Variants in PHC2 observed in about 807,000 individuals in gnomAD.
PHC2 encodes polyhomeotic homolog 2, also known as polyhomeotic-like protein 2.
PHC2 carries 29 observed loss-of-function variants against 87.4 expected under a neutral mutation model. That is an observed-to-expected ratio of 0.33 (90% CI 0.25 to 0.45). PHC2 has a LOEUF of 0.45. Among genes scored for constraint, PHC2 ranks in the 20% least tolerant of loss-of-function variants. PHC2 has a pLI of 1.00. For missense variants in PHC2, 857 were observed against 1,136.7 expected (o/e 0.75, Z 3.54); for synonymous variants, 438 against 461.7 (o/e 0.95, Z 0.66).
chr1:33,416,907 T>C (rs2148399789), intron 1 of PHC2, among the ~76,000 whole-genome samples: 1 of 152,278 alleles, frequency 6.6e-6, no homozygotes, highest in South Asian at 2.1e-4. Flanking sequence ...CCTCATTTTT[T>C]ACATATCTTT....
In PHC2 at chr1:33,331,767, G is replaced by A. The variant is rs1163499746; in HGVS notation, c.1892-305C>T. The A allele has an allele frequency of 3.0e-6, 1 of 330,956 alleles. No homozygotes were observed. Among genetic ancestry groups the A allele is most frequent in the African/African-American group, 2.1e-5 (1 of 47,500 alleles). The allele number at this position is 330,956 out of a possible 1,614,324, so 20.5% of individuals were successfully genotyped here. On this transcript the variant is annotated intron_variant, in intron 11 of 14. Coordinates refer to ENST00000683057, the MANE Select transcript of PHC2 (RefSeq NM_001385109.1). The surrounding 1 kb of genome is among the most constrained non-coding windows in gnomAD (Gnocchi z 5.2). ...TGTGGAAGAAAGCAGGAGCCCCCAGGAAATACTCTGGATGCTGTCACAGCT... is the reference window on the plus strand; with the variant it reads ...TGTGGAAGAAAGCAGGAGCCCCCAGAAAATACTCTGGATGCTGTCACAGCT...
In PHC2 at chr1:33,355,183, C is replaced by A; in HGVS notation, c.1047G>T (p.Val349=). ...GTTGTGGCTGTGGCTGCTGCTGGAT[C>A]ACAAATTGGGGCTGCAGGTGCTTTG... The part of the protein sequence containing the change: ...PSSKHLQPQF[V]IQQQPQPQQQ... Residue 349 remains valine, a synonymous_variant, in exon 8 of 15, where the codon GTG becomes GTT. Transcript: ENST00000683057. The A allele has an allele frequency of 6.2e-7, 1 of 1,608,242 alleles. No homozygotes were observed. The highest frequency in any genetic ancestry group is 8.5e-7 in the Non-Finnish European group (1 of 1,177,312).
At chr1:33,358,235 A>G (rs1647129963) in intron 7 of PHC2, among the ~76,000 whole-genome samples, 1 of 152,204 alleles carries the variant, frequency 6.6e-6, no homozygotes, top group Non-Finnish European at 1.5e-5. Context: ...TTTTCCCAAA[A>G]GACTGGGAAA....
intron 1 of PHC2, among the ~76,000 whole-genome samples, chr1:33,413,401 C>T (rs1372642271): frequency 6.6e-6 from 1 of 152,180 alleles, no homozygotes; most frequent in East Asian, 1.9e-4. Flanking sequence ...ATAGCCAGTC[C>T]ACTGACACTG....
chr1:33,412,971 G>T (rs934796568), intron 1 of PHC2, among the ~76,000 whole-genome samples: 5 of 150,114 alleles, frequency 3.3e-5, no homozygotes, highest in Middle Eastern at 6.8e-3. Flanking sequence ...GTTTGTTTTT[G>T]TTTGTTTGTT....
chr1:33,427,207 A>G (rs1176416460), intron 1 of PHC2, among the ~76,000 whole-genome samples: 1 of 152,186 alleles, frequency 6.6e-6, no homozygotes, highest in Non-Finnish European at 1.5e-5. Flanking sequence ...GGGATAATGA[A>G]CAGAATGTAT....
intron 1 of PHC2, among the ~76,000 whole-genome samples, chr1:33,415,859 C>G (rs963389913): frequency 1.3e-5 from 2 of 152,124 alleles, no homozygotes; most frequent in Non-Finnish European, 2.9e-5. Context: ...AATACAACAT[C>G]TGAAACCAAA....
intron 1 of PHC2, among the ~76,000 whole-genome samples, chr1:33,391,039 T>C (rs1649029061): frequency 6.6e-6 from 1 of 152,204 alleles, no homozygotes; most frequent in South Asian, 2.1e-4. Flanking sequence ...GTCCCCTCTT[T>C]TCTATTCTTA....
In PHC2 at chr1:33,324,799, ATGTC is replaced by A. The variant is rs1570433789; in HGVS notation, c.*62_*65del. The stretch of plus-strand genomic sequence containing the variant: ...GGCCCCATTTCTGGGCCCCTCAGGA[ATGTC>A]TGTCTGGCTCTGCTCAGTCGGGAGG... On this transcript the variant is annotated 3_prime_UTR_variant, in exon 15 of 15. Coordinates refer to ENST00000683057, the MANE Select transcript of PHC2 (RefSeq NM_001385109.1). The A allele has an allele frequency of 2.6e-6, 4 of 1,511,114 alleles. No individual in the cohort carries two copies. In the East Asian group the frequency reaches 7.0e-5, roughly 26 times the overall value. The allele number at this position is 1,511,114 out of a possible 1,614,324, so 93.6% of individuals were successfully genotyped here.
At chr1:33,365,464 T>C (rs776828870) in intron 7 of PHC2, among the ~76,000 whole-genome samples, 11 of 152,176 alleles carry the variant, frequency 7.2e-5, no homozygotes, top group Non-Finnish European at 1.3e-4. Context: ...CAGGAAGGCC[T>C]GAGACGCAGA....
chr1:33,423,913 G>A (rs748287243), intron 1 of PHC2, among the ~76,000 whole-genome samples: 3 of 151,986 alleles, frequency 2.0e-5, no homozygotes, highest in Non-Finnish European at 2.9e-5. Context: ...CCTGGACAAC[G>A]TGGTGAAACC....
intron 1 of PHC2, among the ~76,000 whole-genome samples, chr1:33,412,378 GT>G (rs1407504306): frequency 6.6e-6 from 1 of 152,156 alleles, no homozygotes; most frequent in Non-Finnish European, 1.5e-5. Context: ...AAAAATCAAA[GT>G]GTTACTGTAC....
In PHC2 at chr1:33,397,894, G is replaced by A. The variant is rs1462894094; in HGVS notation, c.-54-22301C>T. Among the ~76,000 whole-genome samples the A allele has an allele frequency of 3.9e-5, 6 of 152,248 alleles. No individual in the cohort carries two copies. The East Asian group carries it at 1.2e-3, about 29-fold the overall frequency. ...AAGGATACACAAGAAATCGCAGACA[G>A]TGATGCCTCCCGGGGAGTAGGGGGA... On this transcript the variant is annotated intron_variant, in intron 1 of 14. Coordinates refer to ENST00000683057, the MANE Select transcript of PHC2 (RefSeq NM_001385109.1).
chr1:33,338,913 C>T (rs180916393), intron 9 of PHC2, among the ~76,000 whole-genome samples: 3 of 152,252 alleles, frequency 2.0e-5, no homozygotes, highest in East Asian at 1.9e-4. Flanking sequence ...CTTTAGTTGA[C>T]GCTGACCACA....
chr1:33,407,498 T>G (rs1649813903), intron 1 of PHC2, among the ~76,000 whole-genome samples: 2 of 152,222 alleles, frequency 1.3e-5, no homozygotes, highest in Admixed American at 1.3e-4. Context: ...CTGGACTACC[T>G]GAGTAACACA....
chr1:33,367,339 G>A lies in PHC2; in HGVS notation c.753C>T (p.Ala251=), dbSNP rs774326198. ...TPTQPVLPSL[A]LKPTPGGSQP... ...GGCTACCGCCCGGCGTGGGTTTCAG[G>A]GCCAAGCTGGGCAGGACAGGCTGAG... The change falls in exon 7 of 15, where the codon GCC becomes GCT. Residue 251 remains alanine, a synonymous_variant. Transcript: ENST00000683057. 2.2e-5 allele frequency: 36 copies of A among 1,613,060 alleles called. No individual in the cohort carries two copies. In the Middle Eastern group the frequency reaches 1.0e-3, roughly 45 times the overall value.
intron 2 of PHC2, among the ~76,000 whole-genome samples, chr1:33,374,224 C>T (rs1008633577): frequency 6.6e-6 from 1 of 152,134 alleles, no homozygotes; most frequent in African/African-American, 2.4e-5. Flanking sequence ...TGAAGGGAGA[C>T]AGGAGGAGCC....
At chr1:33,419,856 G>A (rs1198484773) in intron 1 of PHC2, among the ~76,000 whole-genome samples, 4 of 151,696 alleles carry the variant, frequency 2.6e-5, no homozygotes, top group South Asian at 2.1e-4. Flanking sequence ...TGATCCACCC[G>A]CCTCGGCCTC....
rs1051020786 is a variant in PHC2, at chr1:33,331,032, G to A, written c.2006+316C>T. Among the ~76,000 whole-genome samples the A allele has an allele frequency of 4.6e-5, 7 of 152,154 alleles. No individual in the cohort carries two copies. The highest frequency in any genetic ancestry group is 8.8e-5 in the Non-Finnish European group (6 of 68,028). On this transcript the variant is annotated intron_variant, in intron 12 of 14. Transcript: ENST00000683057. This position sits in a 1 kb window ranked among gnomAD's most constrained non-coding sequence, Gnocchi z 5.2. ...GGGAACACTATAGCTGTGGTTCTGG[G>A]TAAGGCTTACCCTAACAAGGCAGGG... is the stretch of plus-strand genomic sequence containing the variant.
Sources: allele counts gnomAD v4.1 joint callset (sites outside exome capture counted in the v4.1 genomes callset), GRCh38; gene constraint gnomAD v4.1.1; non-coding constraint Gnocchi (gnomAD v3.1); transcripts MANE v1.5; gene names NCBI Gene and HGNC (gene_info 2026-07-23, HGNC 2026-07-21).